RASGEF1A: variants seen among roughly 807,000 people sequenced by gnomAD.
RASGEF1A encodes the protein ras-GEF domain-containing family member 1A.
In RASGEF1A, 18 loss-of-function variants were observed where a neutral mutation model predicts 56.4. The ratio of observed to expected loss-of-function variants is 0.32; its 90% confidence interval spans 0.22 to 0.47. The LOEUF is 0.47. Among genes scored for constraint, RASGEF1A ranks in the 20% least tolerant of loss-of-function variants. The pLI, the probability that RASGEF1A is intolerant of heterozygous loss-of-function variation, is 1.00. For missense variants in RASGEF1A, 422 were observed against 627.1 expected (o/e 0.67, Z 3.49); for synonymous variants, 245 against 242.6 (o/e 1.01, Z -0.09).
chr10:43,243,267 C>T (rs1344174513), intron 1 of RASGEF1A, among the ~76,000 whole-genome samples: 7 of 149,710 alleles, frequency 4.7e-5, no homozygotes, highest in African/African-American at 1.2e-4. Context: ...GGCTGCCCAT[C>T]GTCTGGGATG....
At chr10:43,253,426 A>T (rs1840649231) in intron 1 of RASGEF1A, among the ~76,000 whole-genome samples, 1 of 152,000 alleles carries the variant, frequency 6.6e-6, no homozygotes, top group Admixed American at 6.5e-5. Context: ...GGCAAAAGGG[A>T]CTCTGTAGGT....
At chr10:43,219,776 G>C (rs558806423) in intron 1 of RASGEF1A, among the ~76,000 whole-genome samples, 2 of 152,356 alleles carry the variant, frequency 1.3e-5, no homozygotes, top group South Asian at 4.1e-4. Flanking sequence ...TAGGGTGCTG[G>C]GATATGGAAT....
intron 1 of RASGEF1A, among the ~76,000 whole-genome samples, chr10:43,247,743 G>C (rs1158285188): frequency 6.6e-6 from 1 of 152,188 alleles, no homozygotes; most frequent in African/African-American, 2.4e-5. Flanking sequence ...TGGTGGGTTG[G>C]GGAAGGGGCA....
intron 9 of RASGEF1A, among the ~76,000 whole-genome samples, chr10:43,198,635 A>C (rs1225904272): frequency 2.0e-5 from 3 of 152,246 alleles, no homozygotes; most frequent in African/African-American, 7.2e-5. Flanking sequence ...ACCTGGAGAC[A>C]CTGACCAAGG....
intron 1 of RASGEF1A, among the ~76,000 whole-genome samples, chr10:43,237,794 G>A (rs1195213204): frequency 6.6e-6 from 1 of 152,068 alleles, no homozygotes; most frequent in Non-Finnish European, 1.5e-5. Flanking sequence ...GAAGTCCCAG[G>A]GACCATCCCA....
chr10:43,263,209 A>G (rs1238916640), intron 1 of RASGEF1A, among the ~76,000 whole-genome samples: 1 of 152,100 alleles, frequency 6.6e-6, no homozygotes, highest in African/African-American at 2.4e-5. Flanking sequence ...TGAGTGTCCC[A>G]GGATGGGAGG....
At chr10:43,246,410 G>A (rs1328900336) in intron 1 of RASGEF1A, among the ~76,000 whole-genome samples, 2 of 152,104 alleles carry the variant, frequency 1.3e-5, no homozygotes, top group African/African-American at 2.4e-5. Flanking sequence ...TGCACAAATT[G>A]ACAAGCTGTT....
intron 1 of RASGEF1A, among the ~76,000 whole-genome samples, chr10:43,246,086 T>G (rs894719886): frequency 6.6e-6 from 1 of 152,026 alleles, no homozygotes; most frequent in Non-Finnish European, 1.5e-5. Context: ...GGATACAAGA[T>G]CAATATATGA....
At chr10:43,239,445 CA>C in intron 1 of RASGEF1A, among the ~76,000 whole-genome samples, 1 of 151,892 alleles carries the variant, frequency 6.6e-6, no homozygotes, top group East Asian at 1.9e-4. Context: ...AGAAAACCAG[CA>C]AAAAACAAAA....
chr10:43,207,614 C>G, intron 1 of RASGEF1A: 3 of 985,622 alleles, frequency 3.0e-6, no homozygotes, highest in Non-Finnish European at 3.6e-6. Context: ...TGTCCAGGCC[C>G]CCAGGCTCAG....
intron 1 of RASGEF1A, among the ~76,000 whole-genome samples, chr10:43,260,077 G>T (rs2133231250): frequency 6.6e-6 from 1 of 152,314 alleles, no homozygotes. Flanking sequence ...TCAGTGTAAT[G>T]ATGCTGGCAT....
intron 1 of RASGEF1A, among the ~76,000 whole-genome samples, chr10:43,213,516 G>A (rs1220141140): frequency 1.3e-5 from 2 of 152,188 alleles, no homozygotes; most frequent in East Asian, 1.9e-4. Flanking sequence ...GGGACCCTAT[G>A]TAGCCCCAGT....
chr10:43,226,963 G>A lies in RASGEF1A; in HGVS notation c.-6-20841C>T, dbSNP rs117657945. 8.4e-3 allele frequency among the ~76,000 whole-genome samples: 1,282 copies of A among 152,298 alleles called. 55 individuals are homozygous for A. In the East Asian group the frequency reaches 0.096, roughly 11 times the overall value. ...ATGGCATGATCTCTTCAGGATTGGG[G>A]GTCTGTGCCGGGTGTCGTGGAGGCA... On this transcript the variant is annotated intron_variant, in intron 1 of 12. Coordinates refer to ENST00000395810, the MANE Select transcript of RASGEF1A (RefSeq NM_145313.4).
intron 3 of RASGEF1A, among the ~76,000 whole-genome samples, chr10:43,202,270 AC>A (rs922041025): frequency 3.0e-4 from 46 of 152,344 alleles, no homozygotes; most frequent in African/African-American, 1.1e-3. Flanking sequence ...CAGTAAAATA[AC>A]CCAAGCCAAG....
intron 1 of RASGEF1A, among the ~76,000 whole-genome samples, chr10:43,258,758 C>T (rs1836474275): frequency 6.6e-6 from 1 of 152,270 alleles, no homozygotes; most frequent in African/African-American, 2.4e-5. Context: ...CCACTCAGCA[C>T]AGCCTCTTCA....
At chr10:43,216,094 G>C (rs977655143) in intron 1 of RASGEF1A, among the ~76,000 whole-genome samples, 24 of 152,196 alleles carry the variant, frequency 1.6e-4, no homozygotes, top group African/African-American at 5.8e-4. Context: ...GTGTGTGTCG[G>C]CCTTGCTAAA....
chr10:43,253,272 T>C (rs896587382), intron 1 of RASGEF1A, among the ~76,000 whole-genome samples: 2 of 152,208 alleles, frequency 1.3e-5, no homozygotes, highest in Non-Finnish European at 2.9e-5. Context: ...GAGGTCCTTG[T>C]AGCTCCCCAG....
At chr10:43,219,129 G>A (rs1329287984) in intron 1 of RASGEF1A, among the ~76,000 whole-genome samples, 4 of 152,156 alleles carry the variant, frequency 2.6e-5, no homozygotes, top group South Asian at 4.1e-4. Flanking sequence ...CCCGGCAGGC[G>A]CTGGCAGCCT....
chr10:43,255,831 C>T lies in RASGEF1A; in HGVS notation c.-7+11014G>A, dbSNP rs189265961. Among the ~76,000 whole-genome samples, 243 of 152,292 alleles carry T rather than the reference C, an allele frequency of 1.6e-3. 1 individual carries two copies. Among genetic ancestry groups the T allele is most frequent in the African/African-American group, 5.6e-3 (233 of 41,560 alleles). On this transcript the variant is annotated intron_variant, in intron 1 of 12. Transcript: ENST00000395810. ...GTGGCCATTCCTGGGCACCTGTCAC[C>T]CTTGGCTTCTCTGGGCTGGCTCCTG...
Sources: allele counts gnomAD v4.1 joint callset (sites outside exome capture counted in the v4.1 genomes callset), GRCh38; gene constraint gnomAD v4.1.1; transcripts MANE v1.5; gene names NCBI Gene and HGNC (gene_info 2026-07-23, HGNC 2026-07-21).